The following GRM5 variants were observed in gnomAD, a reference collection of about 807,000 sequenced individuals.
GRM5 encodes the protein metabotropic glutamate receptor 5.
A neutral mutation model predicts 83.1 loss-of-function variants in GRM5; 19 were observed. The ratio of observed to expected loss-of-function variants is 0.23; its 90% CI spans 0.16 to 0.34. The LOEUF is 0.34. Among genes scored for constraint, GRM5 ranks in the 10% least tolerant of loss-of-function variants. The pLI, the probability that GRM5 is intolerant of heterozygous loss-of-function variation, is 1.00. For synonymous variants in GRM5, 675 were observed against 633.6 expected, an observed-to-expected ratio of 1.07 and a Z score of -0.98; for missense variants, 1,160 against 1,588.3, an observed-to-expected ratio of 0.73 and a Z score of 4.58.
intron 3 of GRM5, among the ~76,000 whole-genome samples, chr11:88,740,691 G>T (rs1280733657): frequency 6.6e-6 from 1 of 151,956 alleles, no homozygotes; most frequent in African/African-American, 2.4e-5. Context: ...ATCTAATAAG[G>T]CTTCGTGAGA....
At chr11:89,058,875 G>A (rs1260789277) in intron 1 of GRM5, among the ~76,000 whole-genome samples, 2 of 152,050 alleles carry the variant, frequency 1.3e-5, no homozygotes, top group East Asian at 1.9e-4. Context: ...CAACAATAAC[G>A]ATAACTTTAT....
intron 3 of GRM5, among the ~76,000 whole-genome samples, chr11:88,800,457 A>T (rs1410606956): frequency 6.6e-6 from 1 of 152,058 alleles, no homozygotes; most frequent in African/African-American, 2.4e-5. Context: ...CAATATCAAA[A>T]TTTTTGCTTA....
chr11:88,804,093 A>G (rs971448667), intron 3 of GRM5, among the ~76,000 whole-genome samples: 7 of 152,196 alleles, frequency 4.6e-5, no homozygotes, highest in East Asian at 3.9e-4. Context: ...TAGTGGGACT[A>G]TAAACTAGTT....
intron 4 of GRM5, among the ~76,000 whole-genome samples, chr11:88,638,405 G>A (rs1057312445): frequency 6.6e-6 from 1 of 150,882 alleles, no homozygotes; most frequent in Non-Finnish European, 1.5e-5. Flanking sequence ...AGGTATATTG[G>A]GGTATAATTG....
intron 2 of GRM5, among the ~76,000 whole-genome samples, chr11:88,879,145 T>A (rs1206204494): frequency 6.6e-6 from 1 of 151,996 alleles, no homozygotes; most frequent in Non-Finnish European, 1.5e-5. Context: ...TGAGGAAAAA[T>A]TTTGTATAAA....
At chr11:88,786,320 C>T (rs940173534) in intron 3 of GRM5, among the ~76,000 whole-genome samples, 1 of 152,096 alleles carries the variant, frequency 6.6e-6, no homozygotes, top group East Asian at 1.9e-4. Flanking sequence ...TGCTCCCTTG[C>T]ACCACCCAGA....
chr11:88,742,252 A>G (rs1289303765), intron 3 of GRM5, among the ~76,000 whole-genome samples: 1 of 152,062 alleles, frequency 6.6e-6, no homozygotes, highest in Non-Finnish European at 1.5e-5. Flanking sequence ...TACTTTATAA[A>G]GCACTTTCAT....
intron 2 of GRM5, among the ~76,000 whole-genome samples, chr11:88,930,848 C>CAATATAA (rs1937679637): frequency 6.6e-6 from 1 of 151,978 alleles, no homozygotes; most frequent in African/African-American, 2.4e-5. Context: ...TCACCACACT[C>CAATATAA]GGCCTCATAT....
intron 3 of GRM5, among the ~76,000 whole-genome samples, chr11:88,703,887 T>C (rs1941093547): frequency 6.6e-6 from 1 of 152,108 alleles, no homozygotes; most frequent in Non-Finnish European, 1.5e-5. Flanking sequence ...ACCTGGAATA[T>C]ACCTATCTTA....
At chr11:88,748,625 C>A (rs1372031299) in intron 3 of GRM5, among the ~76,000 whole-genome samples, 2 of 152,122 alleles carry the variant, frequency 1.3e-5, no homozygotes, top group African/African-American at 4.8e-5. Flanking sequence ...GTCCCTGATC[C>A]CGTTCCTCCT....
intron 3 of GRM5, among the ~76,000 whole-genome samples, chr11:88,820,084 A>G (rs1019787033): frequency 2.6e-5 from 4 of 152,076 alleles, no homozygotes; most frequent in Admixed American, 6.6e-5. Context: ...TTCAAATCAT[A>G]GCAGATTAAT....
intron 8 of GRM5, among the ~76,000 whole-genome samples, chr11:88,556,888 C>G (rs190295075): frequency 3.8e-4 from 58 of 152,016 alleles, no homozygotes; most frequent in African/African-American, 1.4e-3. Flanking sequence ...ACTGATTTGC[C>G]TATATACCAA....
chr11:88,928,442 T>A (rs1338893217), intron 2 of GRM5, among the ~76,000 whole-genome samples: 1 of 124,118 alleles, frequency 8.1e-6, no homozygotes, highest in Non-Finnish European at 1.6e-5. Flanking sequence ...TGACAATCTA[T>A]CATATGTGTG....
chr11:88,684,143 A>G (rs1940562886), intron 3 of GRM5, among the ~76,000 whole-genome samples: 1 of 152,214 alleles, frequency 6.6e-6, no homozygotes, highest in South Asian at 2.1e-4. Flanking sequence ...GAATAGAAGG[A>G]AGAACATTGC....
intron 6 of GRM5, among the ~76,000 whole-genome samples, chr11:88,592,097 T>C (rs1937653296): frequency 6.6e-6 from 1 of 152,220 alleles, no homozygotes; most frequent in Non-Finnish European, 1.5e-5. Context: ...GACTGCGTGA[T>C]ATTTTGAAAG....
chr11:88,585,550 C>G (rs887373069), intron 7 of GRM5, among the ~76,000 whole-genome samples: 2 of 152,142 alleles, frequency 1.3e-5, no homozygotes, highest in African/African-American at 4.8e-5. Context: ...CTCTCAGTTC[C>G]ATTTCAGTTC....
intron 2 of GRM5, among the ~76,000 whole-genome samples, chr11:89,042,841 C>G (rs1490200634): frequency 1.4e-5 from 2 of 146,782 alleles, no homozygotes; most frequent in Non-Finnish European, 1.5e-5. Flanking sequence ...CATATTATAA[C>G]CTGAAATTGC....
intron 2 of GRM5, among the ~76,000 whole-genome samples, chr11:89,039,672 T>C (rs1024033768): frequency 7.9e-5 from 12 of 152,186 alleles, no homozygotes; most frequent in Non-Finnish European, 1.8e-4. Context: ...ATAAACAAAA[T>C]ATGTAAATAT....
chr11:89,013,555 T>C (rs1294089912), intron 2 of GRM5, among the ~76,000 whole-genome samples: 1 of 152,138 alleles, frequency 6.6e-6, no homozygotes, highest in Non-Finnish European at 1.5e-5. Context: ...CACCTGACAA[T>C]TCTGTGTATT....
Sources: gnomAD v4.1 joint callset for allele counts (sites outside exome capture counted in the v4.1 genomes callset) on GRCh38, gnomAD v4.1.1 for gene constraint, MANE v1.5 for transcripts, NCBI Gene and HGNC (gene_info 2026-07-23, HGNC 2026-07-21) for gene names.